Variants in WNT5A observed in about 807,000 individuals in gnomAD.
The protein encoded by WNT5A is Wnt family member 5A, also known as protein Wnt-5a.
WNT5A carries 9 observed loss-of-function variants against 42.1 expected under a neutral mutation model. That is an observed-to-expected ratio of 0.21 (90% CI 0.13 to 0.37). The LOEUF (loss-of-function observed/expected upper bound fraction) is 0.37. WNT5A is among the 10% of genes least tolerant of loss of function. WNT5A has a pLI of 1.00. For missense variants in WNT5A, 426 were observed against 534.0 expected (o/e 0.80, Z 1.99); for synonymous variants, 210 against 210.0 (o/e 1.00, Z 0.00).
chr3:55,485,643 G>T (rs1298590441), intron 1 of WNT5A, among the ~76,000 whole-genome samples: 1 of 135,744 alleles, frequency 7.4e-6, no homozygotes, highest in African/African-American at 3.0e-5. Context: ...GGCTGGTTCG[G>T]CAGTGAATGT....
chr3:55,474,938 G>C (rs368127355), intron 3 of WNT5A, among the ~76,000 whole-genome samples: 1 of 139,232 alleles, frequency 7.2e-6, no homozygotes, highest in African/African-American at 2.7e-5. Context: ...GAGATGGGGG[G>C]GTAGGGGGTA....
At chr3:55,479,658 A>G in intron 2 of WNT5A, 94 bp from the exon 3 acceptor site, 2 of 1,443,376 alleles carry the variant, frequency 1.4e-6, no homozygotes, top group South Asian at 3.1e-5. Context: ...TTAAGCACAC[A>G]GATGCTTTTT....
the WNT5A span, among the ~76,000 whole-genome samples, chr3:55,501,442 T>C: frequency 6.6e-6 from 1 of 152,264 alleles, no homozygotes; most frequent in Non-Finnish European, 1.5e-5. Context: ...AGAATTGTTC[T>C]ACAAAGAAGT....
Position 55,470,117 on chromosome 3 carries a change from A to C in WNT5A, c.1118T>G (p.Ile373Ser). ...CYVKCKKCTE[I>S]VDQFVCK ...CTACTTGCACACAAACTGGTCCACG[A>C]TCTCCGTGCACTTCTTGCACTTGAC... Residue 373 changes from isoleucine (I) to serine (S), a missense_variant, in exon 5 of 5, where the codon ATC becomes AGC. Around this residue, in one of 3 missense-constraint regions of WNT5A, gnomAD observed 358 missense variants for 468.1 expected, o/e 0.76. Coordinates refer to ENST00000264634, the MANE Select transcript of WNT5A (RefSeq NM_003392.7). 1 of 1,614,114 alleles carries C rather than the reference A, an allele frequency of 6.2e-7. No homozygotes were observed. The highest frequency in any genetic ancestry group is 8.5e-7 in the Non-Finnish European group (1 of 1,179,956).
chr3:55,484,685 T>TACACACACAC (rs67013864), intron 1 of WNT5A, among the ~76,000 whole-genome samples: 322 of 137,976 alleles, frequency 2.3e-3, no homozygotes, highest in Middle Eastern at 3.7e-3. Flanking sequence ...GGCCCCAGGA[T>TACACACACAC]ACACACACAC....
In WNT5A at chr3:55,474,604, G is replaced by C. The variant is rs371576999; in HGVS notation, c.417C>G (p.Tyr139Ter). 1 of 1,438,248 alleles carries C rather than the reference G, an allele frequency of 7.0e-7. No individual in the cohort carries two copies. Among genetic ancestry groups the C allele is most frequent in the Non-Finnish European group, 9.1e-7 (1 of 1,098,342 alleles). The allele number at this position is 1,438,248 out of a possible 1,614,324, so 89.1% of individuals were successfully genotyped here. A position where few individuals can be genotyped will look rare whatever the true frequency, so the allele number is the denominator to read the frequency against. The change falls in exon 4 of 5, where the codon TAC becomes TAG. Residue 139 changes from tyrosine to a stop codon, truncating the protein, a stop_gained. Coordinates refer to ENST00000264634, the MANE Select transcript of WNT5A (RefSeq NM_003392.7). LOFTEE classifies it high-confidence loss of function. ...TCACCACCCCTGCTGCGCTCACCGC[G>C]TATGTGAAGGCCGTCTCGCGGCTGC... ...QIGSRETAFT[Y>*]AVSAAGVVNA... is the part of the protein sequence containing the mutation.
chr3:55,474,934 G>A (rs1480867899), intron 3 of WNT5A, among the ~76,000 whole-genome samples: 1 of 145,168 alleles, frequency 6.9e-6, no homozygotes, highest in Non-Finnish European at 1.5e-5. Context: ...GTAGGAGATG[G>A]GGGGGTAGGG....
chr3:55,475,616 G>A (rs2051342756), intron 3 of WNT5A, among the ~76,000 whole-genome samples: 1 of 152,102 alleles, frequency 6.6e-6, no homozygotes, highest in South Asian at 2.1e-4. Context: ...TGCCACTTCT[G>A]CAGACACCCC....
intron 1 of WNT5A, 126 bp downstream of exon 1, chr3:55,486,854 G>C (rs2051587253): frequency 1.3e-6 from 1 of 769,302 alleles, no homozygotes; most frequent in East Asian, 2.6e-5. Context: ...AGCGACGCTG[G>C]AGTTCCAGCT....
rs541491382 is a variant in WNT5A, at chr3:55,474,565, C to T, written c.456G>A (p.Arg152=). The part of the protein sequence containing the change: ...SAAGVVNAMS[R]ACREGELSTC... ...TGGACAGCTCGCCCTCGCGGCACGCCCGGCTCATGGCGTTCACCACCCCTG... is the reference window on the plus strand; with the variant it reads ...TGGACAGCTCGCCCTCGCGGCACGCTCGGCTCATGGCGTTCACCACCCCTG... Residue 152 remains arginine, a synonymous_variant, in exon 4 of 5, where the codon CGG becomes CGA. Coordinates refer to ENST00000264634, the MANE Select transcript of WNT5A (RefSeq NM_003392.7). The T allele has an allele frequency of 1.1e-4, 173 of 1,511,014 alleles. 2 individuals are homozygous for T. The South Asian group carries it at 2.1e-3, about 18-fold the overall frequency. 93.6% of individuals were successfully genotyped at this position (1,511,014 alleles called of 1,614,324 possible).
chr3:55,480,517 A>G (rs975095395), intron 2 of WNT5A, among the ~76,000 whole-genome samples: 1 of 152,232 alleles, frequency 6.6e-6, no homozygotes, highest in African/African-American at 2.4e-5. Context: ...TGCATGATGT[A>G]CTACAAGCAC....
Position 55,474,604 on chromosome 3 carries a change from G to A in WNT5A, c.417C>T (p.Tyr139=), listed in dbSNP as rs371576999. 1.2e-4 allele frequency: 172 copies of A among 1,438,248 alleles called. 1 individual carries two copies. In the Middle Eastern group the frequency reaches 4.7e-3, roughly 39 times the overall value. The allele number at this position is 1,438,248 out of a possible 1,614,324, so 89.1% of individuals were successfully genotyped here. A position where few individuals can be genotyped will look rare whatever the true frequency, so the allele number is the denominator to read the frequency against. The change falls in exon 4 of 5, where the codon TAC becomes TAT. Residue 139 remains tyrosine (Y), a synonymous_variant. Transcript: ENST00000264634. The stretch of plus-strand genomic sequence containing the variant: ...TCACCACCCCTGCTGCGCTCACCGC[G>A]TATGTGAAGGCCGTCTCGCGGCTGC... The part of the protein sequence containing the change: ...QIGSRETAFT[Y]AVSAAGVVNA...
chr3:55,483,634 G>T lies in WNT5A; in HGVS notation c.7-2716C>A, dbSNP rs997877970. Among the ~76,000 whole-genome samples the T allele has an allele frequency of 6.6e-6, 1 of 152,188 alleles. No individual in the cohort carries two copies. The highest frequency in any genetic ancestry group is 1.5e-5 in the Non-Finnish European group (1 of 68,038). ...TAAGGACACTGAGAATCTTCCTCGC[G>T]TGCCACGGGGAGGAGGACTGGGGGC... is the stretch of plus-strand genomic sequence containing the variant. On this transcript the variant is annotated intron_variant, in intron 1 of 4. Transcript: ENST00000264634. The surrounding 1 kb of genome is among the most constrained non-coding windows in gnomAD (Gnocchi z 4.2).
chr3:55,480,905 A>G lies in WNT5A; in HGVS notation c.20T>C (p.Ile7Thr), dbSNP rs554762368. 28 of 1,562,704 alleles carry G rather than the reference A, an allele frequency of 1.8e-5. No individual in the cohort carries two copies. In the Admixed American group the frequency reaches 2.9e-4, roughly 16 times the overall value. Reference sequence around the variant, plus strand: ...CCCCAAAGCAACTCCTGGGCTTAATATTCCAATGGACTTCTGGAGAGGGAA... The same window carrying G: ...CCCCAAAGCAACTCCTGGGCTTAATGTTCCAATGGACTTCTGGAGAGGGAA... MKKSIG[I>T]LSPGVALGMA... The change falls in exon 2 of 5, where the codon ATA becomes ACA. Residue 7 changes from isoleucine to threonine, a missense_variant. Physicochemically the swap from Ile to Thr is moderately conservative, Grantham distance 89 (BLOSUM62 -1). Transcript: ENST00000264634.
chr3:55,471,731 T>C (rs770662612), intron 4 of WNT5A, among the ~76,000 whole-genome samples: 1 of 151,900 alleles, frequency 6.6e-6, no homozygotes, highest in Non-Finnish European at 1.5e-5. Context: ...GTCTGGGAGG[T>C]GGTGGTTGCC....
At chr3:55,472,580 A>T (rs1478250395) in intron 4 of WNT5A, among the ~76,000 whole-genome samples, 1 of 152,130 alleles carries the variant, frequency 6.6e-6, no homozygotes, top group Non-Finnish European at 1.5e-5. Context: ...TCCACCACAG[A>T]AGAGGCATCC....
chr3:55,474,358 G>T lies in WNT5A; in HGVS notation c.663C>A (p.His221Gln). 6.2e-7 allele frequency: 1 copy of T among 1,613,068 alleles called. No homozygotes were observed. The change falls in exon 4 of 5, where the codon CAC (histidine) becomes CAA (glutamine). Residue 221 changes from histidine (H) to glutamine (Q), a missense_variant. Transcript: ENST00000264634. ...YESARILMNL[H>Q]NNEAGRRTVY... Reference sequence around the variant, plus strand: ...TCACCCTGCGGCCGGCCTCGTTGTTGTGCAGGTTCATGAGGATGCGAGCAC... The same window carrying T: ...TCACCCTGCGGCCGGCCTCGTTGTTTTGCAGGTTCATGAGGATGCGAGCAC...
chr3:55,488,500 G>C (rs531013222), upstream of WNT5A, among the ~76,000 whole-genome samples: 174 of 146,632 alleles, frequency 1.2e-3, 4 homozygotes, highest in South Asian at 0.038. Context: ...GAGGGAAGGG[G>C]GGGGAAGAAA....
At chr3:55,487,346 G>C (rs933503823), upstream of WNT5A, 1 of 335,326 alleles carries the variant, frequency 3.0e-6, no homozygotes. Context: ...CATCAGCGAC[G>C]GCGGTAATTA....
Sources: gnomAD v4.1 joint callset for allele counts (sites outside exome capture counted in the v4.1 genomes callset) on GRCh38, gnomAD v4.1.1 for gene constraint, gnomAD v4.1.1 regional missense constraint, Gnocchi (gnomAD v3.1) non-coding constraint, MANE v1.5 for transcripts, NCBI Gene and HGNC (gene_info 2026-07-23, HGNC 2026-07-21) for gene names.